Variants in DUSP10 observed in about 807,000 individuals in gnomAD.
DUSP10 encodes the protein dual specificity phosphatase 10.
Under a neutral mutation model 30.8 loss-of-function variants are expected in DUSP10, and 14 were observed. The observed-to-expected ratio is 0.46, with a 90% CI of 0.30 to 0.71. The LOEUF is 0.71. DUSP10 is among the 30% of genes least tolerant of loss of function. DUSP10 has a pLI of 0.08. For synonymous variants in DUSP10, 254 were observed against 250.4 expected, an observed-to-expected ratio of 1.01 and a Z score of -0.14; for missense variants, 550 against 619.4, an observed-to-expected ratio of 0.89 and a Z score of 1.19.
chr1:221,722,766 G>C (rs933922955), intron 2 of DUSP10, among the ~76,000 whole-genome samples: 1 of 152,132 alleles, frequency 6.6e-6, no homozygotes, highest in Non-Finnish European at 1.5e-5. Context: ...GGCCAGGCCT[G>C]AGCAGGAAAC....
intron 1 of DUSP10, among the ~76,000 whole-genome samples, chr1:221,740,142 T>C (rs957864111): frequency 6.6e-6 from 1 of 152,210 alleles, no homozygotes; most frequent in Non-Finnish European, 1.5e-5. Flanking sequence ...GCATCTATTC[T>C]GAACCTCAGC....
At chr1:221,728,082 A>C (rs1300918365) in intron 2 of DUSP10, among the ~76,000 whole-genome samples, 1 of 152,180 alleles carries the variant, frequency 6.6e-6, no homozygotes, top group Non-Finnish European at 1.5e-5. Context: ...ATGAACTCTT[A>C]GCCTCCATTT....
chr1:221,727,924 T>A (rs1417997606), intron 2 of DUSP10, among the ~76,000 whole-genome samples: 3 of 152,156 alleles, frequency 2.0e-5, no homozygotes, highest in Admixed American at 2.0e-4. Context: ...TATTGGAAAC[T>A]TAATTGTCAC....
rs115398872 is a variant in DUSP10, at chr1:221,740,961, C to T, written c.-44+1020G>A. 6.4e-3 allele frequency among the ~76,000 whole-genome samples: 970 copies of T among 152,314 alleles called. 9 individuals carry two copies. The highest frequency in any genetic ancestry group is 0.022 in the African/African-American group (918 of 41,552). On this transcript the variant is annotated intron_variant, in intron 1 of 3. Coordinates refer to ENST00000366899, the MANE Select transcript of DUSP10 (RefSeq NM_007207.6). ...GCCAAACCCCACGCCAAGAGACGCT[C>T]ACCTAAACGAACTTTAAGAGCTATC...
chr1:221,711,442 AG>A (rs1346434342), intron 2 of DUSP10, among the ~76,000 whole-genome samples: 3 of 152,216 alleles, frequency 2.0e-5, no homozygotes, highest in Admixed American at 6.5e-5. Flanking sequence ...TCCAAAGACC[AG>A]GGGGAGGGGT....
chr1:221,741,091 C>A (rs142179349), intron 1 of DUSP10, among the ~76,000 whole-genome samples: 1 of 152,190 alleles, frequency 6.6e-6, no homozygotes, highest in Non-Finnish European at 1.5e-5. Flanking sequence ...GTGTCACAGG[C>A]GGAATCCACA....
intron 2 of DUSP10, among the ~76,000 whole-genome samples, chr1:221,730,366 G>C (rs1421970978): frequency 6.6e-6 from 1 of 152,164 alleles, no homozygotes; most frequent in Non-Finnish European, 1.5e-5. Flanking sequence ...CGACCCCCTG[G>C]CTCGGGCAGT....
chr1:221,723,772 T>C (rs1661344166), intron 2 of DUSP10, among the ~76,000 whole-genome samples: 1 of 152,254 alleles, frequency 6.6e-6, no homozygotes, highest in Non-Finnish European at 1.5e-5. Context: ...CAGGACACAT[T>C]GCCCTGCTGA....
At chr1:221,733,836 C>T (rs532807998) in intron 2 of DUSP10, among the ~76,000 whole-genome samples, 2 of 152,268 alleles carry the variant, frequency 1.3e-5, no homozygotes, top group African/African-American at 2.4e-5. Context: ...CTGAGCACAT[C>T]GTGAATGAGG....
chr1:221,704,005 A>G (rs1353218967), intron 3 of DUSP10, among the ~76,000 whole-genome samples: 2 of 152,242 alleles, frequency 1.3e-5, no homozygotes, highest in African/African-American at 4.8e-5. Context: ...CTCCAAGTCA[A>G]GACCAGAAAG....
chr1:221,712,112 G>C (rs1202883730), intron 2 of DUSP10, among the ~76,000 whole-genome samples: 2 of 152,192 alleles, frequency 1.3e-5, no homozygotes, highest in African/African-American at 4.8e-5. Context: ...ATACTCCATA[G>C]ATGTGATTGG....
At chr1:221,708,834 C>A (rs995371588) in intron 2 of DUSP10, among the ~76,000 whole-genome samples, 5 of 152,242 alleles carry the variant, frequency 3.3e-5, no homozygotes, top group Non-Finnish European at 5.9e-5. Flanking sequence ...GTGATGGGAA[C>A]CTAATTCACT....
intron 3 of DUSP10, among the ~76,000 whole-genome samples, chr1:221,703,105 A>G (rs953242402): frequency 1.3e-5 from 2 of 152,316 alleles, no homozygotes; most frequent in Admixed American, 1.3e-4. Context: ...TGAAAGAAAA[A>G]AAAAGAATGA....
intron 2 of DUSP10, among the ~76,000 whole-genome samples, chr1:221,723,307 C>T (rs1003004518): frequency 5.3e-5 from 8 of 152,314 alleles, no homozygotes; most frequent in African/African-American, 1.9e-4. Context: ...GCCATTGTCA[C>T]CAAGGAAATG....
intron 2 of DUSP10, among the ~76,000 whole-genome samples, chr1:221,734,704 A>G (rs561000470): frequency 6.6e-6 from 1 of 152,278 alleles, no homozygotes; most frequent in South Asian, 2.1e-4. Flanking sequence ...CAAGGCTAGC[A>G]TTCAGGCTGA....
chr1:221,715,584 C>G (rs1211341899), intron 2 of DUSP10, among the ~76,000 whole-genome samples: 1 of 152,228 alleles, frequency 6.6e-6, no homozygotes, highest in Non-Finnish European at 1.5e-5. Context: ...TTGAATAACA[C>G]AGGCAGATTG....
At chr1:221,741,151 C>T (rs964181006) in intron 1 of DUSP10, among the ~76,000 whole-genome samples, 3 of 152,234 alleles carry the variant, frequency 2.0e-5, no homozygotes, top group Non-Finnish European at 4.4e-5. Flanking sequence ...AGATCTCCAA[C>T]GACTCGGGTT....
intron 2 of DUSP10, among the ~76,000 whole-genome samples, chr1:221,731,444 A>G (rs1304070657): frequency 1.3e-5 from 2 of 152,110 alleles, no homozygotes; most frequent in Non-Finnish European, 2.9e-5. Context: ...TCACTCTCCC[A>G]CACAGAGGAG....
At chr1:221,718,727 C>T (rs1571818234) in intron 2 of DUSP10, among the ~76,000 whole-genome samples, 1 of 152,230 alleles carries the variant, frequency 6.6e-6, no homozygotes, top group East Asian at 1.9e-4. Context: ...ATTGCTCAAC[C>T]ATCCACCCCG....
Sources: allele counts gnomAD v4.1 joint callset (sites outside exome capture counted in the v4.1 genomes callset), GRCh38; gene constraint gnomAD v4.1.1; transcripts MANE v1.5; gene names NCBI Gene and HGNC (gene_info 2026-07-23, HGNC 2026-07-21).